TMEM132D: variants seen among roughly 807,000 people sequenced by gnomAD.
TMEM132D encodes the protein transmembrane protein 132D, also known as mature OL transmembrane protein.
A neutral mutation model predicts 62.3 loss-of-function variants in TMEM132D; 21 were observed. That is an observed-to-expected ratio of 0.34 (90% CI 0.24 to 0.49). The LOEUF (loss-of-function observed/expected upper bound fraction) is 0.49. Among genes scored for constraint, TMEM132D ranks in the 20% least tolerant of loss-of-function variants. The probability of loss-of-function intolerance (pLI) is 0.99; values close to 1 mark genes in which losing one functional copy is unlikely to be tolerated. For missense variants in TMEM132D, 1,346 were observed against 1,402.8 expected, an observed-to-expected ratio of 0.96 and a Z score of 0.65; for synonymous variants, 621 against 575.6, an observed-to-expected ratio of 1.08 and a Z score of -1.13.
chr12:129,553,211 T>C (rs1876950568), intron 2 of TMEM132D, among the ~76,000 whole-genome samples: 1 of 152,132 alleles, frequency 6.6e-6, no homozygotes, highest in Non-Finnish European at 1.5e-5. Flanking sequence ...CTCTCACCAC[T>C]GCTGCCCCGA....
At chr12:129,818,303 G>A (rs1872428671) in intron 1 of TMEM132D, among the ~76,000 whole-genome samples, 2 of 147,488 alleles carry the variant, frequency 1.4e-5, no homozygotes, top group South Asian at 4.4e-4. Flanking sequence ...TGTGTGTGAT[G>A]TGTGTGTGTC....
At position 129,622,557 on chromosome 12, in the gene TMEM132D, C is replaced by T. The variant is rs149899015; in HGVS notation, c.968+77253G>A. 5.6e-3 allele frequency among the ~76,000 whole-genome samples: 855 copies of T among 152,298 alleles called. 4 individuals carry two copies. The highest frequency in any genetic ancestry group is 9.1e-3 in the Non-Finnish European group (619 of 68,024). On this transcript the variant is annotated intron_variant, in intron 2 of 8. Coordinates refer to ENST00000422113, the MANE Select transcript of TMEM132D (RefSeq NM_133448.3). ...TAGAAAAGTCCAGGTCACCACTCACCTCCCCCAGGAATATGTCCGTAACTA... is the reference window on the plus strand; with the variant it reads ...TAGAAAAGTCCAGGTCACCACTCACTTCCCCCAGGAATATGTCCGTAACTA...
intron 3 of TMEM132D, among the ~76,000 whole-genome samples, chr12:129,449,831 CTGTT>C (rs758682154): frequency 9.2e-5 from 14 of 152,190 alleles, no homozygotes; most frequent in Non-Finnish European, 1.5e-4. Context: ...AAGCAATGGT[CTGTT>C]TGGTGCTGGA....
chr12:129,247,817 A>G (rs533768509), intron 4 of TMEM132D, among the ~76,000 whole-genome samples: 2 of 152,066 alleles, frequency 1.3e-5, no homozygotes, highest in East Asian at 3.9e-4. Flanking sequence ...TTCTGGCTGG[A>G]TAGAAAAGCA....
At chr12:129,209,358 C>T (rs868354689) in intron 5 of TMEM132D, among the ~76,000 whole-genome samples, 162 bp downstream of exon 5, 15 of 152,258 alleles carry the variant, frequency 9.9e-5, no homozygotes, top group South Asian at 2.1e-4. Flanking sequence ...ATTTGTGCCA[C>T]GGAGAATGTC....
intron 5 of TMEM132D, among the ~76,000 whole-genome samples, chr12:129,140,263 G>A (rs1428810150): frequency 6.6e-6 from 1 of 150,760 alleles, no homozygotes; most frequent in Non-Finnish European, 1.5e-5. Context: ...GTGAGAAGAG[G>A]AATATGTTAA....
intron 3 of TMEM132D, among the ~76,000 whole-genome samples, chr12:129,344,049 A>G (rs1023118304): frequency 6.6e-6 from 1 of 152,216 alleles, no homozygotes; most frequent in African/African-American, 2.4e-5. Flanking sequence ...ATATACAAGC[A>G]TTGTTCCTAG....
At chr12:129,488,076 C>A (rs1289048418) in intron 3 of TMEM132D, among the ~76,000 whole-genome samples, 1 of 152,008 alleles carries the variant, frequency 6.6e-6, no homozygotes, top group Non-Finnish European at 1.5e-5. Flanking sequence ...CTCAGCACAG[C>A]ACCCAGGTGC....
At chr12:129,140,034 A>G (rs1169605835) in intron 5 of TMEM132D, among the ~76,000 whole-genome samples, 2 of 152,012 alleles carry the variant, frequency 1.3e-5, no homozygotes, top group African/African-American at 4.8e-5. Context: ...GCATTTTTAA[A>G]TCATCCTTGA....
chr12:129,190,930 C>A (rs112206112), intron 5 of TMEM132D, among the ~76,000 whole-genome samples: 1,868 of 152,250 alleles, frequency 0.012, 22 homozygotes, highest in Middle Eastern at 0.037. Context: ...TCAGGACAGG[C>A]TCCGGGTGCT....
intron 2 of TMEM132D, among the ~76,000 whole-genome samples, chr12:129,682,186 C>T (rs113939039): frequency 6.6e-6 from 1 of 152,288 alleles, no homozygotes; most frequent in African/African-American, 2.4e-5. Flanking sequence ...TTGAAATGGC[C>T]TTAAGTAATC....
chr12:129,341,366 C>T (rs1014881400), intron 3 of TMEM132D, among the ~76,000 whole-genome samples: 3 of 152,172 alleles, frequency 2.0e-5, no homozygotes, highest in African/African-American at 4.8e-5. Flanking sequence ...CTGGTTAAAG[C>T]AGTGATTTTT....
At chr12:129,189,881 C>A (rs985712066) in intron 5 of TMEM132D, among the ~76,000 whole-genome samples, 1 of 152,036 alleles carries the variant, frequency 6.6e-6, no homozygotes, top group African/African-American at 2.4e-5. Context: ...GAATTGGAGT[C>A]GCTAACAGCT....
At chr12:129,495,989 T>A (rs2137063584) in intron 3 of TMEM132D, among the ~76,000 whole-genome samples, 1 of 152,306 alleles carries the variant, frequency 6.6e-6, no homozygotes, top group South Asian at 2.1e-4. Flanking sequence ...GGCAGGGGGC[T>A]TAGAAATTCA....
At chr12:129,791,662 C>T (rs554715260) in intron 1 of TMEM132D, among the ~76,000 whole-genome samples, 10 of 152,102 alleles carry the variant, frequency 6.6e-5, no homozygotes, top group African/African-American at 2.2e-4. Flanking sequence ...ATTAACCCCC[C>T]CAGTCACCAA....
At chr12:129,558,519 G>T (rs1277601042) in intron 2 of TMEM132D, among the ~76,000 whole-genome samples, 1 of 152,194 alleles carries the variant, frequency 6.6e-6, no homozygotes, top group Non-Finnish European at 1.5e-5. Flanking sequence ...GGGCTCCTAA[G>T]CTGCTGGGAA....
chr12:129,859,139 C>G (rs542390087), intron 1 of TMEM132D, among the ~76,000 whole-genome samples: 67 of 152,210 alleles, frequency 4.4e-4, no homozygotes, highest in African/African-American at 1.6e-3. Context: ...CGTGAGGACA[C>G]GGTGAGAAGG....
At chr12:129,711,468 G>A (rs1881642892) in intron 1 of TMEM132D, among the ~76,000 whole-genome samples, 2 of 152,212 alleles carry the variant, frequency 1.3e-5, no homozygotes, top group Non-Finnish European at 1.5e-5. Context: ...GCTCACGCCT[G>A]TAATCCCAGC....
intron 3 of TMEM132D, among the ~76,000 whole-genome samples, chr12:129,459,966 T>C (rs1054126134): frequency 6.6e-6 from 1 of 152,210 alleles, no homozygotes; most frequent in Non-Finnish European, 1.5e-5. Flanking sequence ...ACTTACTTGC[T>C]TCCAAGGTGT....
Sources: gnomAD v4.1 joint callset for allele counts (sites outside exome capture counted in the v4.1 genomes callset) on GRCh38, gnomAD v4.1.1 for gene constraint, MANE v1.5 for transcripts, NCBI Gene and HGNC (gene_info 2026-07-23, HGNC 2026-07-21) for gene names.